The following ELMO1 variants were observed in gnomAD, a reference collection of about 807,000 sequenced individuals.
The protein encoded by ELMO1 is engulfment and cell motility 1.
In ELMO1, 26 loss-of-function variants were observed where a neutral mutation model predicts 98.9. The observed-to-expected ratio is 0.26, with a 90% CI of 0.19 to 0.36. The LOEUF (loss-of-function observed/expected upper bound fraction) is 0.36. Among genes scored for constraint, ELMO1 ranks in the 10% least tolerant of loss-of-function variants. The pLI is 1.00. For missense variants in ELMO1, 627 were observed against 935.2 expected (o/e 0.67, Z 4.30); for synonymous variants, 346 against 346.0 (o/e 1.00, Z 0.00).
chr7:37,321,736 A>AAAAAAAAAAAAC (rs1192639432), intron 2 of ELMO1, among the ~76,000 whole-genome samples: 5 of 148,208 alleles, frequency 3.4e-5, no homozygotes, highest in Admixed American at 6.7e-5. Flanking sequence ...AAAAAAAAAA[A>AAAAAAAAAAAAC]AACACAGAAA....
At chr7:37,105,588 A>C (rs768184545) in intron 14 of ELMO1, among the ~76,000 whole-genome samples, 1 of 152,192 alleles carries the variant, frequency 6.6e-6, no homozygotes, top group African/African-American at 2.4e-5. Flanking sequence ...TGTACTCACG[A>C]ATCTGCCTTT....
At chr7:37,055,738 C>T (rs1796359258) in intron 15 of ELMO1, among the ~76,000 whole-genome samples, 1 of 152,156 alleles carries the variant, frequency 6.6e-6, no homozygotes, top group African/African-American at 2.4e-5. Flanking sequence ...GCAGTACCCA[C>T]AACTGGACCA....
chr7:37,267,454 G>A (rs756329242), intron 5 of ELMO1, among the ~76,000 whole-genome samples: 29 of 152,210 alleles, frequency 1.9e-4, no homozygotes, highest in Non-Finnish European at 4.3e-4. Context: ...GCGCACGCGT[G>A]TGTGTGTGTG....
intron 2 of ELMO1, among the ~76,000 whole-genome samples, chr7:37,331,836 G>T (rs1357426640): frequency 6.6e-6 from 1 of 152,150 alleles, no homozygotes; most frequent in Admixed American, 6.5e-5. Flanking sequence ...ACTGGGTGTA[G>T]TTCACATCTG....
chr7:37,007,808 A>T (rs1465605315), intron 16 of ELMO1, among the ~76,000 whole-genome samples: 3 of 151,916 alleles, frequency 2.0e-5, no homozygotes, highest in African/African-American at 4.8e-5. Context: ...TTCATAGGAG[A>T]TTTCTCAGGA....
intron 10 of ELMO1, among the ~76,000 whole-genome samples, chr7:37,218,599 A>G (rs1793425179): frequency 6.6e-6 from 1 of 152,226 alleles, no homozygotes; most frequent in Admixed American, 6.5e-5. Flanking sequence ...AAATTATGTA[A>G]AAGTATAGAT....
At chr7:37,253,572 T>A (rs1025389717) in intron 6 of ELMO1, among the ~76,000 whole-genome samples, 1 of 152,068 alleles carries the variant, frequency 6.6e-6, no homozygotes, top group Non-Finnish European at 1.5e-5. Flanking sequence ...CACCAGGGCC[T>A]GTCAGAGGGT....
chr7:37,263,013 C>A (rs911242612), intron 5 of ELMO1, among the ~76,000 whole-genome samples: 2 of 152,180 alleles, frequency 1.3e-5, no homozygotes, highest in African/African-American at 2.4e-5. Flanking sequence ...CCAGAAGTGA[C>A]CTCCAATCAA....
chr7:37,427,653 C>T (rs574711223), intron 1 of ELMO1, among the ~76,000 whole-genome samples: 6 of 152,328 alleles, frequency 3.9e-5, no homozygotes, highest in African/African-American at 1.2e-4. Context: ...TGGATAATAT[C>T]GCTATTTTTG....
chr7:37,033,358 A>G, intron 15 of ELMO1: 1 of 455,424 alleles, frequency 2.2e-6, no homozygotes, highest in South Asian at 1.6e-5. Context: ...TCCGAGACAC[A>G]CTGCAAGGCT....
intron 14 of ELMO1, among the ~76,000 whole-genome samples, chr7:37,102,516 C>G (rs1457100629): frequency 6.6e-6 from 1 of 152,152 alleles, no homozygotes; most frequent in African/African-American, 2.4e-5. Context: ...GAAGTGAGAC[C>G]TGGAAGTAAA....
intron 1 of ELMO1, among the ~76,000 whole-genome samples, chr7:37,357,819 T>C (rs1801549208): frequency 6.6e-6 from 1 of 152,212 alleles, no homozygotes; most frequent in Non-Finnish European, 1.5e-5. Context: ...CATACGGCCA[T>C]ACTGTGAGAG....
At position 36,983,664 on chromosome 7, in the gene ELMO1, T is replaced by TA. The variant is rs201314824; in HGVS notation, c.1437+29634dup. On this transcript the variant is annotated intron_variant, in intron 16 of 21. Coordinates refer to ENST00000310758, the MANE Select transcript of ELMO1 (RefSeq NM_014800.11). ...GATTCAATGAATTATTATATCTACATATAAAATGTATTGAGCAGTGCCTGG... is the reference window on the plus strand; with the variant it reads ...GATTCAATGAATTATTATATCTACATAATAAAATGTATTGAGCAGTGCCTGG... Among the ~76,000 whole-genome samples the TA allele has an allele frequency of 1.6e-4, 24 of 152,310 alleles. No individual in the cohort carries two copies. The East Asian group carries it at 3.1e-3, about 20-fold the overall frequency.
chr7:37,146,926 T>C (rs971168141), intron 13 of ELMO1, among the ~76,000 whole-genome samples: 4 of 152,122 alleles, frequency 2.6e-5, no homozygotes, highest in African/African-American at 4.8e-5. Flanking sequence ...TCTCATCCTA[T>C]GGATGAGGTC....
intron 2 of ELMO1, among the ~76,000 whole-genome samples, chr7:37,326,956 T>C (rs1799852684): frequency 6.6e-6 from 1 of 152,232 alleles, no homozygotes; most frequent in East Asian, 1.9e-4. Flanking sequence ...ATTATAATCT[T>C]TTGTGATTCT....
chr7:37,034,814 G>A (rs548441064), intron 15 of ELMO1, among the ~76,000 whole-genome samples: 3 of 152,182 alleles, frequency 2.0e-5, no homozygotes, highest in South Asian at 4.2e-4. Flanking sequence ...GTCCCTTACT[G>A]GCAAGGTACT....
At chr7:37,282,607 C>T (rs1316615137) in intron 4 of ELMO1, among the ~76,000 whole-genome samples, 1 of 138,420 alleles carries the variant, frequency 7.2e-6, no homozygotes, top group East Asian at 2.0e-4. Context: ...AAATAAAATC[C>T]AGACACCACC....
At chr7:36,907,694 G>A (rs142221329) in intron 16 of ELMO1, among the ~76,000 whole-genome samples, 107 of 152,298 alleles carry the variant, frequency 7.0e-4, no homozygotes, top group African/African-American at 2.5e-3. Context: ...CCCGAATGCA[G>A]TCCCTTTCCT....
At chr7:37,138,941 A>G (rs1342754642) in intron 13 of ELMO1, among the ~76,000 whole-genome samples, 2 of 152,248 alleles carry the variant, frequency 1.3e-5, no homozygotes, top group East Asian at 3.8e-4. Context: ...AATAAATGTG[A>G]TACACCACAT....
Sources: allele counts gnomAD v4.1 joint callset (sites outside exome capture counted in the v4.1 genomes callset), GRCh38; gene constraint gnomAD v4.1.1; transcripts MANE v1.5; gene names NCBI Gene and HGNC (gene_info 2026-07-23, HGNC 2026-07-21).